MAP3K7: variants seen among roughly 807,000 people sequenced by gnomAD.
The protein encoded by MAP3K7 is mitogen-activated protein kinase kinase kinase 7, also known as TGF-beta activated kinase 1.
A neutral mutation model predicts 84.8 loss-of-function variants in MAP3K7; 21 were observed. That is an observed-to-expected ratio of 0.25 (90% CI 0.18 to 0.36). MAP3K7 has a LOEUF of 0.36. Ranked by LOEUF, MAP3K7 falls within the 10% of genes least tolerant of loss-of-function variation. The probability of loss-of-function intolerance (pLI) is 1.00; values close to 1 mark genes in which losing one functional copy is unlikely to be tolerated. For synonymous variants in MAP3K7, 241 were observed against 247.7 expected, an observed-to-expected ratio of 0.97 and a Z score of 0.25; for missense variants, 503 against 747.7, an observed-to-expected ratio of 0.67 and a Z score of 3.82.
At chr6:90,522,933 T>A (rs1192239084) in intron 14 of MAP3K7, among the ~76,000 whole-genome samples, 4 of 152,140 alleles carry the variant, frequency 2.6e-5, no homozygotes, top group Non-Finnish European at 5.9e-5. Flanking sequence ...CGTGACTTAA[T>A]ATAATATAAA....
chr6:90,550,981 T>C (rs1259652103), intron 8 of MAP3K7: 1 of 152,646 alleles, frequency 6.6e-6, no homozygotes, highest in Non-Finnish European at 1.5e-5. Context: ...ACTGGAGGCA[T>C]AATACTCAAA....
chr6:90,583,397 C>T (rs1777343525), intron 1 of MAP3K7, among the ~76,000 whole-genome samples: 6 of 152,114 alleles, frequency 3.9e-5, no homozygotes, highest in Non-Finnish European at 1.5e-5. Flanking sequence ...TATTCAATTC[C>T]CAGCTTTACC....
At chr6:90,584,524 T>TG (rs1467023914) in intron 1 of MAP3K7, among the ~76,000 whole-genome samples, 1 of 151,928 alleles carries the variant, frequency 6.6e-6, no homozygotes, top group East Asian at 1.9e-4. Flanking sequence ...ACACAAAGAT[T>TG]GAAACATTAT....
chr6:90,539,508 C>G (rs998582916), intron 12 of MAP3K7, among the ~76,000 whole-genome samples: 5 of 151,768 alleles, frequency 3.3e-5, no homozygotes, highest in Admixed American at 6.6e-5. Context: ...TGAGAACTTG[C>G]CAGATCTAGA....
At chr6:90,580,266 A>C (rs887180669) in intron 1 of MAP3K7, among the ~76,000 whole-genome samples, 3 of 152,190 alleles carry the variant, frequency 2.0e-5, no homozygotes, top group Non-Finnish European at 2.9e-5. Context: ...ATCAACAGAA[A>C]AAAAGTGGCA....
intron 14 of MAP3K7, among the ~76,000 whole-genome samples, chr6:90,521,808 T>G (rs9353736): frequency 0.027 from 4,111 of 152,200 alleles, 69 homozygotes; most frequent in Middle Eastern, 0.044. Context: ...CATTATATTA[T>G]AAATAGGAAC....
chr6:90,562,283 C>T (rs1312416102), intron 3 of MAP3K7, among the ~76,000 whole-genome samples: 1 of 152,158 alleles, frequency 6.6e-6, no homozygotes, highest in East Asian at 1.9e-4. Context: ...GGCGTCGCCT[C>T]ACCCGGGAAG....
chr6:90,582,663 G>A (rs1442508669), intron 1 of MAP3K7, among the ~76,000 whole-genome samples: 2 of 152,032 alleles, frequency 1.3e-5, no homozygotes, highest in Non-Finnish European at 2.9e-5. Context: ...CCCAACCCAC[G>A]ATGGTCACTT....
intron 15 of MAP3K7, among the ~76,000 whole-genome samples, chr6:90,519,049 C>T (rs1775063099): frequency 1.3e-5 from 2 of 151,892 alleles, no homozygotes; most frequent in Non-Finnish European, 2.9e-5. Flanking sequence ...TTTAAGATGA[C>T]TGAAAAGATA....
intron 13 of MAP3K7, among the ~76,000 whole-genome samples, chr6:90,531,528 T>C (rs1013289761): frequency 6.6e-5 from 10 of 152,222 alleles, no homozygotes; most frequent in Non-Finnish European, 1.3e-4. Context: ...ACATGAAGGT[T>C]GTACTGAAAA....
intron 1 of MAP3K7, among the ~76,000 whole-genome samples, chr6:90,581,750 G>A (rs1296294199): frequency 6.6e-6 from 1 of 152,170 alleles, no homozygotes; most frequent in Non-Finnish European, 1.5e-5. Flanking sequence ...ATGAAAGAAT[G>A]TATTGATTAT....
rs556089353 is a variant in MAP3K7 at position 90,586,980 on chromosome 6, G to C, written c.-97C>G. ...CGCCTCCGGACCGACCCTCAGCCTG[G>C]AGCCGCGCAGTCCTACTACCCGGCG... On this transcript the variant is annotated 5_prime_UTR_variant, in exon 1 of 17. Coordinates refer to ENST00000369329, the MANE Select transcript of MAP3K7 (RefSeq NM_145331.3). 1.2e-4 allele frequency: 170 copies of C among 1,373,266 alleles called. 1 individual carries two copies. In the East Asian group the frequency reaches 4.7e-3, roughly 38 times the overall value. 85.1% of individuals were successfully genotyped at this position (1,373,266 alleles called of 1,614,324 possible).
chr6:90,559,723 C>T (rs1231281085), intron 5 of MAP3K7, among the ~76,000 whole-genome samples: 1 of 152,144 alleles, frequency 6.6e-6, no homozygotes, highest in Admixed American at 6.5e-5. Flanking sequence ...GTGTTAGGGA[C>T]ACAGCAAGAA....
chr6:90,541,966 C>A (rs1056117653), intron 12 of MAP3K7, among the ~76,000 whole-genome samples: 1 of 151,846 alleles, frequency 6.6e-6, no homozygotes, highest in African/African-American at 2.4e-5. Flanking sequence ...GAAGTATTAA[C>A]GAAACTCTTA....
chr6:90,541,901 A>G (rs1775865578), intron 12 of MAP3K7, among the ~76,000 whole-genome samples: 1 of 152,026 alleles, frequency 6.6e-6, no homozygotes, highest in African/African-American at 2.4e-5. Context: ...TTATTAAGAG[A>G]GGTAGTTCAT....
At chr6:90,548,866 C>G (rs1157123611) in intron 9 of MAP3K7, among the ~76,000 whole-genome samples, 1 of 151,028 alleles carries the variant, frequency 6.6e-6, no homozygotes, top group Non-Finnish European at 1.5e-5. Flanking sequence ...AGGTCAAGTG[C>G]TACTGAGAGT....
chr6:90,548,563 T>C (rs1241282159), intron 9 of MAP3K7, among the ~76,000 whole-genome samples: 2 of 152,086 alleles, frequency 1.3e-5, no homozygotes, highest in Non-Finnish European at 2.9e-5. Context: ...TAGTTGGATA[T>C]ATGAGTATAG....
At chr6:90,521,019 T>C (rs903373448) in intron 14 of MAP3K7, among the ~76,000 whole-genome samples, 3 of 152,100 alleles carry the variant, frequency 2.0e-5, no homozygotes, top group Non-Finnish European at 2.9e-5. Context: ...TTAAGCTTAA[T>C]ACATCAGTGT....
chr6:90,574,614 A>G (rs920288022), intron 1 of MAP3K7, among the ~76,000 whole-genome samples: 3 of 152,224 alleles, frequency 2.0e-5, no homozygotes, highest in South Asian at 2.1e-4. Flanking sequence ...ACTGGTACTT[A>G]CTAGGAATCC....
Sources: allele counts gnomAD v4.1 joint callset (sites outside exome capture counted in the v4.1 genomes callset), GRCh38; gene constraint gnomAD v4.1.1; transcripts MANE v1.5; gene names NCBI Gene and HGNC (gene_info 2026-07-23, HGNC 2026-07-21).